Variants in CEP120 observed in about 807,000 individuals in gnomAD.
CEP120 encodes centrosomal protein 120.
Under a neutral mutation model 126.5 loss-of-function variants are expected in CEP120, and 113 were observed. The observed-to-expected ratio is 0.89, with a 90% confidence interval of 0.77 to 1.04. The LOEUF (loss-of-function observed/expected upper bound fraction) is 1.04, where lower values mean the gene tolerates loss of function less well. Among genes scored for constraint, CEP120 ranks in the 50% least tolerant of loss-of-function variants. The probability of loss-of-function intolerance (pLI) is 0.00; values close to 1 mark genes in which losing one functional copy is unlikely to be tolerated. For synonymous variants in CEP120, 400 were observed against 394.3 expected (o/e 1.01, Z -0.17); for missense variants, 1,230 against 1,155.7 (o/e 1.06, Z -0.93).
chr5:123,423,311 C>T lies in CEP120; in HGVS notation c.-313G>A, dbSNP rs112515362. 1,015 of 385,644 alleles carry T rather than the reference C, an allele frequency of 2.6e-3. 8 individuals are homozygous for T. Among genetic ancestry groups the T allele is most frequent in the African/African-American group, 0.02 (917 of 46,830 alleles). 23.9% of individuals were successfully genotyped at this position (385,644 alleles called of 1,614,324 possible). Reference sequence around the variant, plus strand: ...GCCGCCTGCGTAGCCGCTTTTCAAACGCCCGGGCGGCCGCAGCGGCCGCCG... The same window carrying T: ...GCCGCCTGCGTAGCCGCTTTTCAAATGCCCGGGCGGCCGCAGCGGCCGCCG... On this transcript the variant is annotated 5_prime_UTR_variant, in exon 1 of 20. Coordinates refer to ENST00000306467, the MANE Select transcript of CEP120 (RefSeq NM_001375405.1).
intron 4 of CEP120, among the ~76,000 whole-genome samples, chr5:123,400,289 A>AT (rs921514577): frequency 2.3e-4 from 34 of 147,474 alleles, no homozygotes; most frequent in African/African-American, 2.2e-4. Flanking sequence ...TTTAGTCTCC[A>AT]TTTTTTTTTT....
chr5:123,403,445 C>T (rs746249834), intron 4 of CEP120: 16 of 378,056 alleles, frequency 4.2e-5, no homozygotes, highest in African/African-American at 6.4e-5. Context: ...AACAATTAAG[C>T]GTAGTTAAAT....
chr5:123,348,608 C>T (rs961610289), intron 19 of CEP120, among the ~76,000 whole-genome samples: 7 of 152,110 alleles, frequency 4.6e-5, no homozygotes, highest in African/African-American at 1.7e-4. Context: ...AGCTAGGAAC[C>T]CACTTAATAT....
At chr5:123,367,098 G>C (rs1344818007) in intron 17 of CEP120, among the ~76,000 whole-genome samples, 2 of 151,680 alleles carry the variant, frequency 1.3e-5, no homozygotes, top group African/African-American at 2.4e-5. Flanking sequence ...GTCATTTACT[G>C]CTCTCTGAGT....
intron 11 of CEP120, 151 bp downstream of exon 11, chr5:123,384,800 G>A (rs1480476097): frequency 4.6e-6 from 3 of 647,188 alleles, no homozygotes; most frequent in Middle Eastern, 4.1e-4. Flanking sequence ...GCTGCCACAG[G>A]TCAGAGAAGA....
chr5:123,374,351 C>T (rs767006672), intron 16 of CEP120, among the ~76,000 whole-genome samples: 101 of 152,208 alleles, frequency 6.6e-4, no homozygotes, highest in Non-Finnish European at 1.4e-3. Context: ...TTGAATAATG[C>T]TTTCATTAAA....
intron 18 of CEP120, among the ~76,000 whole-genome samples, chr5:123,354,542 ATTTT>A (rs1316051481): frequency 6.6e-6 from 1 of 151,634 alleles, no homozygotes; most frequent in Non-Finnish European, 1.5e-5. Context: ...AGCTCTATTA[ATTTT>A]TTTTATCTAA....
chr5:123,386,676 T>TAA lies in CEP120; in HGVS notation c.1431-11_1431-10dup, dbSNP rs75744800. 0.098 allele frequency: 57,835 copies of TAA among 591,482 alleles called. 2,275 individuals are homozygous for TAA. The highest frequency in any genetic ancestry group is 0.14 in the African/African-American group (5,174 of 35,982). The allele number at this position is 591,482 out of a possible 1,614,324, so 36.6% of individuals were successfully genotyped here. ...AGAATGGATATGAGTACCTAGAATTTAAAAAAAAAAAAAAAAAAAAAAGCC... is the reference window on the plus strand; with the variant it reads ...AGAATGGATATGAGTACCTAGAATTTAAAAAAAAAAAAAAAAAAAAAAAAGCC... On this transcript the variant is annotated splice_polypyrimidine_tract_variant and intron_variant, in intron 9 of 19. Coordinates refer to ENST00000306467, the MANE Select transcript of CEP120 (RefSeq NM_001375405.1).
intron 18 of CEP120, among the ~76,000 whole-genome samples, chr5:123,353,546 T>C (rs1181313233): frequency 6.6e-6 from 1 of 151,974 alleles, no homozygotes. Context: ...TCCCATTTTC[T>C]AAAATCTTTG....
At chr5:123,363,739 T>A (rs1172397046) in intron 18 of CEP120, among the ~76,000 whole-genome samples, 1 of 151,462 alleles carries the variant, frequency 6.6e-6, no homozygotes, top group African/African-American at 2.4e-5. Context: ...ATTTGACAGT[T>A]ATGGAGACAT....
intron 8 of CEP120, 150 bp downstream of exon 8, chr5:123,389,774 A>T: frequency 1.5e-6 from 1 of 668,052 alleles, no homozygotes; most frequent in Non-Finnish European, 2.5e-6. Context: ...TGCTGGGATT[A>T]CAGGCGTGAG....
intron 4 of CEP120, chr5:123,401,547 G>A: frequency 2.3e-6 from 3 of 1,327,872 alleles, no homozygotes; most frequent in East Asian, 4.6e-5. Context: ...TCCTCGTACT[G>A]TGCCTTGACC....
chr5:123,409,895 G>A (rs115017055), intron 4 of CEP120, among the ~76,000 whole-genome samples: 1 of 150,244 alleles, frequency 6.7e-6, no homozygotes, highest in African/African-American at 2.4e-5. Context: ...AGTCGGGGCT[G>A]TGGTAAGCCA....
At chr5:123,363,241 C>T (rs1770218219) in intron 18 of CEP120, among the ~76,000 whole-genome samples, 1 of 151,634 alleles carries the variant, frequency 6.6e-6, no homozygotes, top group African/African-American at 2.4e-5. Context: ...CAAATACCTC[C>T]TCTCCTATGA....
intron 17 of CEP120, among the ~76,000 whole-genome samples, chr5:123,371,555 A>G (rs1006097833): frequency 2.0e-5 from 3 of 152,066 alleles, no homozygotes; most frequent in African/African-American, 7.2e-5. Context: ...GAGCCAAACT[A>G]TATCAGTGCC....
chr5:123,372,963 A>G (rs1770954000), intron 16 of CEP120, among the ~76,000 whole-genome samples, 191 bp from the exon 17 acceptor site: 1 of 152,138 alleles, frequency 6.6e-6, no homozygotes, highest in South Asian at 2.1e-4. Context: ...AACTGATTCT[A>G]CAAAAACTTT....
rs1044861327 is a variant in CEP120, at chr5:123,416,116, C to T, written c.215G>A (p.Arg72His). The change falls in exon 3 of 20, where the codon CGT becomes CAT. Residue 72 changes from arginine (R) to histidine (H), a missense_variant. Transcript: ENST00000306467. Reference protein sequence around the residue: ...RKALHQHRLQRTPIKLQCFAL... With the variant: ...RKALHQHRLQHTPIKLQCFAL... ...AAAACATTGGAGTTTGATAGGAGTA[C>T]GCTGTAGCCTATAACAAAACATGTG... 33 of 1,595,838 alleles carry T rather than the reference C, an allele frequency of 2.1e-5. No homozygotes were observed. The highest frequency in any genetic ancestry group is 4.0e-5 in the African/African-American group (3 of 74,530).
intron 1 of CEP120, chr5:123,422,462 C>T (rs971987322): frequency 3.3e-6 from 5 of 1,514,400 alleles, no homozygotes; most frequent in Non-Finnish European, 3.5e-6. Context: ...TCATCCAAAA[C>T]ACACCTTTTA....
intron 13 of CEP120, 86 bp from the exon 14 acceptor site, chr5:123,382,286 G>A: frequency 6.2e-6 from 3 of 485,242 alleles, no homozygotes; most frequent in East Asian, 4.4e-5. Context: ...AACCGATGCT[G>A]ATCACTAATA....
Sources: gnomAD v4.1 joint callset for allele counts (sites outside exome capture counted in the v4.1 genomes callset) on GRCh38, gnomAD v4.1.1 for gene constraint, MANE v1.5 for transcripts, NCBI Gene and HGNC (gene_info 2026-07-23, HGNC 2026-07-21) for gene names.